The following FRMD4B variants were observed in gnomAD, a reference collection of about 807,000 sequenced individuals.
FRMD4B encodes the protein FERM domain-containing protein 4B.
A neutral mutation model predicts 141.5 loss-of-function variants in FRMD4B; 74 were observed. The ratio of observed to expected loss-of-function variants is 0.52; its 90% CI spans 0.43 to 0.63. The LOEUF is 0.63. FRMD4B is among the 30% of genes least tolerant of loss of function. The pLI is 0.00. For missense variants in FRMD4B, 1,366 were observed against 1,253.4 expected (o/e 1.09, Z -1.36); for synonymous variants, 506 against 467.9 (o/e 1.08, Z -1.05).
chr3:69,444,804 C>T (rs1448593869), intron 1 of FRMD4B, among the ~76,000 whole-genome samples: 1 of 152,194 alleles, frequency 6.6e-6, no homozygotes, highest in East Asian at 1.9e-4. Flanking sequence ...CACTTATCCA[C>T]CAGATTGTTT....
chr3:69,472,290 A>G (rs774302351), intron 1 of FRMD4B: 38 of 411,554 alleles, frequency 9.2e-5, no homozygotes, highest in Non-Finnish European at 1.5e-4. Flanking sequence ...GTCTGATGAC[A>G]TTCTCTGCAA....
intron 5 of FRMD4B, among the ~76,000 whole-genome samples, chr3:69,266,934 T>C (rs1007329670): frequency 1.3e-5 from 2 of 152,218 alleles, no homozygotes. Flanking sequence ...TAACATTGCA[T>C]ACCTCCTTGT....
intron 5 of FRMD4B, among the ~76,000 whole-genome samples, chr3:69,285,866 C>T (rs1331691004): frequency 1.3e-5 from 2 of 151,464 alleles, no homozygotes; most frequent in Admixed American, 6.6e-5. Context: ...AAAATAATTG[C>T]TCAAAGCAGA....
chr3:69,257,808 T>C (rs1456000573), intron 5 of FRMD4B, among the ~76,000 whole-genome samples: 1 of 151,538 alleles, frequency 6.6e-6, no homozygotes, highest in Non-Finnish European at 1.5e-5. Context: ...ACTACAGGTG[T>C]GTATCACCAT....
chr3:69,316,860 A>G (rs1309134446), intron 1 of FRMD4B, among the ~76,000 whole-genome samples: 1 of 152,222 alleles, frequency 6.6e-6, no homozygotes, highest in Non-Finnish European at 1.5e-5. Flanking sequence ...GTTGGCTCAC[A>G]CCTGTAATCT....
intron 1 of FRMD4B, among the ~76,000 whole-genome samples, chr3:69,324,869 G>C (rs968958527): frequency 6.6e-6 from 1 of 151,792 alleles, no homozygotes; most frequent in African/African-American, 2.4e-5. Context: ...GAGGCGGGGG[G>C]GGATTGCTTG....
At chr3:69,461,005 C>T (rs1329326495) in intron 1 of FRMD4B, among the ~76,000 whole-genome samples, 1 of 152,198 alleles carries the variant, frequency 6.6e-6, no homozygotes, top group East Asian at 1.9e-4. Flanking sequence ...AAATGCATCA[C>T]ATTTGGATAT....
At position 69,196,616 on chromosome 3, in the gene FRMD4B, C is replaced by G. The variant is rs1194972227; in HGVS notation, c.1093-220G>C. On this transcript the variant is annotated intron_variant, in intron 13 of 22. Coordinates refer to ENST00000398540, the MANE Select transcript of FRMD4B (RefSeq NM_015123.3). The stretch of plus-strand genomic sequence containing the variant: ...TACGTGATTTTCTCATGGTGTGGTT[C>G]AGTTACTAACTTTGAAGTGTCACCG... 5.2e-6 allele frequency: 3 copies of G among 579,864 alleles called. No individual in the cohort carries two copies. The African/African-American group carries it at 5.7e-5, about 11-fold the overall frequency. 35.9% of individuals were successfully genotyped at this position (579,864 alleles called of 1,614,324 possible). A position where few individuals can be genotyped will look rare whatever the true frequency, so the allele number is the denominator to read the frequency against.
At chr3:69,183,343 G>A (rs1038969814) in intron 19 of FRMD4B, among the ~76,000 whole-genome samples, 7 of 152,032 alleles carry the variant, frequency 4.6e-5, no homozygotes, top group East Asian at 1.9e-4. Context: ...CTTAGCTCAC[G>A]GTCTGCGCAA....
chr3:69,195,940 T>C (rs1428979019), intron 14 of FRMD4B, among the ~76,000 whole-genome samples: 1 of 152,194 alleles, frequency 6.6e-6, no homozygotes, highest in African/African-American at 2.4e-5. Context: ...CATGGAGAAT[T>C]AGACAATTAT....
At chr3:69,512,350 C>G (rs964699485) in intron 1 of FRMD4B, among the ~76,000 whole-genome samples, 1 of 152,052 alleles carries the variant, frequency 6.6e-6, no homozygotes, top group Non-Finnish European at 1.5e-5. Context: ...TTGGGTTAAC[C>G]GCATAATTTC....
chr3:69,252,804 C>A (rs866296540), intron 5 of FRMD4B, among the ~76,000 whole-genome samples: 12 of 152,104 alleles, frequency 7.9e-5, no homozygotes, highest in Non-Finnish European at 4.4e-5. Context: ...ACCGGGCAAG[C>A]CAACACTTGA....
chr3:69,240,098 C>T (rs1223559528), intron 7 of FRMD4B, among the ~76,000 whole-genome samples: 1 of 151,456 alleles, frequency 6.6e-6, no homozygotes, highest in Non-Finnish European at 1.5e-5. Flanking sequence ...CATTACTTAA[C>T]ACTACCAAAC....
intron 1 of FRMD4B, among the ~76,000 whole-genome samples, chr3:69,330,340 CTTTTTTTTT>C (rs34238889): frequency 2.3e-5 from 1 of 42,928 alleles, no homozygotes; most frequent in African/African-American, 1.2e-4. Context: ...ATTCTTTTGC[CTTTTTTTTT>C]TTTTTTTTTT....
chr3:69,283,184 G>A (rs1259423345), intron 5 of FRMD4B, among the ~76,000 whole-genome samples: 1 of 151,674 alleles, frequency 6.6e-6, no homozygotes, highest in African/African-American at 2.4e-5. Flanking sequence ...AGGAGTTTGA[G>A]AACAGTCTGG....
chr3:69,395,372 A>T (rs1186657412), intron 2 of FRMD4B, among the ~76,000 whole-genome samples: 2 of 152,216 alleles, frequency 1.3e-5, no homozygotes, highest in African/African-American at 2.4e-5. Context: ...CATACTACCT[A>T]GGTGTACATA....
chr3:69,479,992 A>G (rs1396843825), intron 1 of FRMD4B, among the ~76,000 whole-genome samples: 1 of 152,068 alleles, frequency 6.6e-6, no homozygotes, highest in African/African-American at 2.4e-5. Flanking sequence ...CTTCCAGTTG[A>G]TTGCATCTGC....
intron 21 of FRMD4B, among the ~76,000 whole-genome samples, chr3:69,179,298 G>A (rs1462104412): frequency 6.6e-6 from 1 of 152,020 alleles, no homozygotes; most frequent in Non-Finnish European, 1.5e-5. Context: ...GCTTCCCCCA[G>A]GCACCACCCC....
rs1358190643 is a variant in FRMD4B at position 69,221,914 on chromosome 3, C to T, written c.675G>A (p.Arg225=). ...EHPSLAYCED[R]VIEHYLKIKG... The stretch of plus-strand genomic sequence containing the variant: ...TGATTTTCAAATAATGCTCAATTAC[C>T]CTGTCCTCACTGTAAAACAAAGAAA... Residue 225 remains arginine, a synonymous_variant, in exon 9 of 23, where the codon AGG becomes AGA. Transcript: ENST00000398540. The T allele has an allele frequency of 2.6e-6, 4 of 1,532,592 alleles. No homozygotes were observed. Among genetic ancestry groups the T allele is most frequent in the Non-Finnish European group, 3.6e-6 (4 of 1,113,750 alleles). 94.9% of individuals were successfully genotyped at this position (1,532,592 alleles called of 1,614,324 possible). A position where few individuals can be genotyped will look rare whatever the true frequency, so the allele number is the denominator to read the frequency against.
Sources: allele counts gnomAD v4.1 joint callset (sites outside exome capture counted in the v4.1 genomes callset), GRCh38; gene constraint gnomAD v4.1.1; transcripts MANE v1.5; gene names NCBI Gene and HGNC (gene_info 2026-07-23, HGNC 2026-07-21).